MYH15: variants seen among roughly 807,000 people sequenced by gnomAD.
MYH15 encodes myosin-15.
A neutral mutation model predicts 240.5 loss-of-function variants in MYH15; 227 were observed. The observed-to-expected ratio is 0.94, with a 90% CI of 0.85 to 1.05. The LOEUF (loss-of-function observed/expected upper bound fraction) is 1.05, where lower values mean the gene tolerates loss of function less well. Among genes scored for constraint, MYH15 ranks in the 50% least tolerant of loss-of-function variants. The pLI, the probability that MYH15 is intolerant of heterozygous loss-of-function variation, is 0.00. For missense variants in MYH15, 2,217 were observed against 2,247.5 expected, an observed-to-expected ratio of 0.99 and a Z score of 0.27; for synonymous variants, 785 against 796.7, an observed-to-expected ratio of 0.99 and a Z score of 0.25.
At position 108,444,734 on chromosome 3, in the gene MYH15, G is replaced by A. The variant is rs2082913030; in HGVS notation, c.2561C>T (p.Ala854Val). ...LKEECAQLQK[A>V]LEKSEFQREE... ...CCTCTGAAACTCTGATTTCTCCAAG[G>A]CTTTCTGTAATTGTGCACACTCTTC... The change falls in exon 22 of 41, where the codon GCC becomes GTC. Residue 854 changes from alanine to valine, a missense_variant. Coordinates refer to ENST00000693548, the MANE Select transcript of MYH15 (RefSeq NM_014981.3). The A allele has an allele frequency of 6.2e-7, 1 of 1,613,830 alleles. No individual in the cohort carries two copies. Among genetic ancestry groups the A allele is most frequent in the African/African-American group, 1.3e-5 (1 of 74,862 alleles).
Position 108,408,376 on chromosome 3 carries a change from A to C in MYH15, c.4524T>G (p.Val1508=). The change falls in exon 32 of 41, where the codon GTT becomes GTG. Residue 1508 remains valine (V), a synonymous_variant. Transcript: ENST00000693548. ...CAGTTAAGTTCTTGGTCCCTTCTCT[A>C]ACCTGGTTTGTCAGATTAGAAATCT... The part of the protein sequence containing the change: ...QEEISNLTNQ[V]REGTKNLTEM... 1 of 1,612,344 alleles carries C rather than the reference A, an allele frequency of 6.2e-7. No individual in the cohort carries two copies. The highest frequency in any genetic ancestry group is 8.5e-7 in the Non-Finnish European group (1 of 1,179,544).
chr3:108,440,329 A>C (rs1209389434), intron 23 of MYH15, among the ~76,000 whole-genome samples: 3 of 152,186 alleles, frequency 2.0e-5, no homozygotes, highest in Non-Finnish European at 4.4e-5. Context: ...AGAAAGTGGC[A>C]GTTAAAGAAA....
rs117135249 is a variant in MYH15 at position 108,446,245 on chromosome 3, G to A, written c.2400-1350C>T. ...ATACCCTCACTAAGTCCACTACCATGGACTTAGACACCAAGGCCTGCCCAT... is the reference window on the plus strand; with the variant it reads ...ATACCCTCACTAAGTCCACTACCATAGACTTAGACACCAAGGCCTGCCCAT... On this transcript the variant is annotated intron_variant, in intron 21 of 40. Transcript: ENST00000693548. 6.1e-4 allele frequency among the ~76,000 whole-genome samples: 93 copies of A among 152,192 alleles called. No homozygotes were observed. In the East Asian group the frequency reaches 0.012, roughly 19 times the overall value.
intron 38 of MYH15, among the ~76,000 whole-genome samples, chr3:108,386,966 G>A (rs2082388153): frequency 6.6e-6 from 1 of 152,054 alleles, no homozygotes; most frequent in Non-Finnish European, 1.5e-5. Context: ...CTAATCTTAT[G>A]TTCTGCTTTA....
At chr3:108,414,637 G>A (rs1443430199) in intron 29 of MYH15, among the ~76,000 whole-genome samples, 1 of 152,156 alleles carries the variant, frequency 6.6e-6, no homozygotes, top group African/African-American at 2.4e-5. Flanking sequence ...AAACAGGGAA[G>A]GGAATTCTAT....
At chr3:108,494,713 T>C (rs943819296) in intron 7 of MYH15, among the ~76,000 whole-genome samples, 3 of 152,140 alleles carry the variant, frequency 2.0e-5, no homozygotes, top group East Asian at 1.9e-4. Flanking sequence ...AGGCTGATCT[T>C]GAACTTCTGG....
intron 2 of MYH15, among the ~76,000 whole-genome samples, chr3:108,505,496 C>G (rs909707041): frequency 6.6e-6 from 1 of 152,108 alleles, no homozygotes; most frequent in African/African-American, 2.4e-5. Flanking sequence ...TCTCAAACTC[C>G]TGGGCTCAAG....
chr3:108,536,858 A>T, the MYH15 span, among the ~76,000 whole-genome samples: 3 of 151,936 alleles, frequency 2.0e-5, no homozygotes, highest in African/African-American at 4.8e-5. Context: ...AACTTGGGAG[A>T]CTCTCCTATC....
chr3:108,433,791 A>T (rs1227393772), intron 25 of MYH15, among the ~76,000 whole-genome samples: 1 of 152,118 alleles, frequency 6.6e-6, no homozygotes, highest in African/African-American at 2.4e-5. Flanking sequence ...GGAACTGTAA[A>T]TCCATTAAAC....
chr3:108,506,675 A>G (rs956700077), intron 1 of MYH15, among the ~76,000 whole-genome samples: 1 of 152,174 alleles, frequency 6.6e-6, no homozygotes, highest in African/African-American at 2.4e-5. Flanking sequence ...TCTTGACCCC[A>G]GGAGTTCAAG....
At chr3:108,507,547 A>T (rs1001907176) in intron 1 of MYH15, among the ~76,000 whole-genome samples, 1 of 152,160 alleles carries the variant, frequency 6.6e-6, no homozygotes, top group African/African-American at 2.4e-5. Flanking sequence ...AGGCAATAAG[A>T]CTGGGGAAGG....
intron 1 of MYH15, among the ~76,000 whole-genome samples, chr3:108,526,714 T>G (rs1309713710): frequency 1.3e-5 from 2 of 152,194 alleles, no homozygotes; most frequent in Non-Finnish European, 2.9e-5. Context: ...ACTCACATGT[T>G]TTCTCCAGTG....
intron 1 of MYH15, among the ~76,000 whole-genome samples, chr3:108,528,072 G>A (rs2083687158): frequency 6.6e-6 from 1 of 152,146 alleles, no homozygotes; most frequent in Admixed American, 6.6e-5. Context: ...ATCCGTTAAT[G>A]AGGGTGAAGC....
intron 22 of MYH15, 41 bp from the exon 23 acceptor site, chr3:108,441,301 T>C (rs762063577): frequency 4.4e-6 from 7 of 1,608,042 alleles, no homozygotes; most frequent in Middle Eastern, 1.7e-4. Flanking sequence ...CAGCTGGAAG[T>C]AATTTATCAG....
chr3:108,528,783 T>C (rs747209321), intron 1 of MYH15, among the ~76,000 whole-genome samples: 8 of 152,212 alleles, frequency 5.3e-5, no homozygotes, highest in Admixed American at 4.6e-4. Context: ...AGTCTGACAC[T>C]ATAGACCATG....
At chr3:108,494,941 A>G (rs1276823040) in intron 7 of MYH15, among the ~76,000 whole-genome samples, 2 of 151,286 alleles carry the variant, frequency 1.3e-5, no homozygotes, top group Non-Finnish European at 2.9e-5. Context: ...TATCTTTCAT[A>G]TTTCAGCAGA....
At chr3:108,535,185 C>T in the MYH15 span, among the ~76,000 whole-genome samples, 1 of 152,126 alleles carries the variant, frequency 6.6e-6, no homozygotes, top group African/African-American at 2.4e-5. Context: ...CCCAGACCTA[C>T]TAAATTAGAA....
rs566783911 is a variant in MYH15, at chr3:108,394,137, T to G, written c.5153A>C (p.Gln1718Pro). ...AACATCAGCCTCCAGTTTCTTCTTC[T>G]GGCTGAGGAGGCTTGTGTTCTAAAG... ...FYTQNTSLLS[Q>P]KKKLEADVAR... Residue 1718 changes from glutamine (Q) to proline (P), a missense_variant, in exon 36 of 41, where the codon CAG becomes CCG. Physicochemically the swap from Gln to Pro is moderately conservative, Grantham distance 76. Coordinates refer to ENST00000693548, the MANE Select transcript of MYH15 (RefSeq NM_014981.3). The G allele has an allele frequency of 1.3e-5, 21 of 1,614,114 alleles. No individual in the cohort carries two copies. The highest frequency in any genetic ancestry group is 1.6e-5 in the Non-Finnish European group (19 of 1,179,954).
chr3:108,414,065 G>A (rs1231387087), intron 30 of MYH15, among the ~76,000 whole-genome samples, 167 bp downstream of exon 30: 2 of 152,144 alleles, frequency 1.3e-5, no homozygotes, highest in East Asian at 3.8e-4. Context: ...CCTCTACAGA[G>A]TGTGCTTCTT....
Sources: gnomAD v4.1 joint callset for allele counts (sites outside exome capture counted in the v4.1 genomes callset) on GRCh38, gnomAD v4.1.1 for gene constraint, MANE v1.5 for transcripts, NCBI Gene and HGNC (gene_info 2026-07-23, HGNC 2026-07-21) for gene names.